CACNG3: variants seen among roughly 807,000 people sequenced by gnomAD.
CACNG3 encodes the protein calcium voltage-gated channel auxiliary subunit gamma 3.
In CACNG3, 3 loss-of-function variants were observed where a neutral mutation model predicts 28.5. That is an observed-to-expected ratio of 0.11 (90% CI 0.05 to 0.27). The LOEUF (loss-of-function observed/expected upper bound fraction) is 0.27. Ranked by LOEUF, CACNG3 falls within the 10% of genes least tolerant of loss-of-function variation. The pLI, the probability that CACNG3 is intolerant of heterozygous loss-of-function variation, is 1.00. For synonymous variants in CACNG3, 174 were observed against 162.2 expected (o/e 1.07, Z -0.55); for missense variants, 236 against 414.4 (o/e 0.57, Z 3.74).
intron 2 of CACNG3, among the ~76,000 whole-genome samples, chr16:24,352,747 C>T (rs1344916635): frequency 6.6e-6 from 1 of 152,140 alleles, no homozygotes; most frequent in Admixed American, 6.6e-5. Context: ...GCCATGTTGC[C>T]CAGGCTGATC....
chr16:24,288,651 C>T (rs1445313349), intron 1 of CACNG3, among the ~76,000 whole-genome samples: 1 of 152,166 alleles, frequency 6.6e-6, no homozygotes, highest in Admixed American at 6.5e-5. Context: ...ATTCTGCATC[C>T]TGTCTCATGG....
chr16:24,299,095 A>C (rs889318496), intron 1 of CACNG3, among the ~76,000 whole-genome samples: 1 of 152,016 alleles, frequency 6.6e-6, no homozygotes, highest in African/African-American at 2.4e-5. Context: ...GTCATTATGC[A>C]CAGCCCACAC....
intron 3 of CACNG3, among the ~76,000 whole-genome samples, chr16:24,356,952 C>T (rs912926508): frequency 6.6e-6 from 1 of 151,610 alleles, no homozygotes; most frequent in African/African-American, 2.4e-5. Context: ...AGAGAACTCC[C>T]CTTTATAAAA....
intron 1 of CACNG3, among the ~76,000 whole-genome samples, chr16:24,296,659 A>G (rs1464746777): frequency 1.3e-5 from 2 of 152,192 alleles, no homozygotes; most frequent in African/African-American, 2.4e-5. Flanking sequence ...TCATTCTTTG[A>G]TATACATGAC....
intron 1 of CACNG3, among the ~76,000 whole-genome samples, chr16:24,267,852 G>T (rs535588499): frequency 6.6e-6 from 1 of 151,958 alleles, no homozygotes; most frequent in Admixed American, 6.5e-5. Flanking sequence ...TGTATTTTTA[G>T]TAGAGACAGG....
chr16:24,260,436 A>C (rs578002225), intron 1 of CACNG3, among the ~76,000 whole-genome samples: 2 of 152,300 alleles, frequency 1.3e-5, no homozygotes, highest in South Asian at 4.1e-4. Context: ...TGTAGGTACT[A>C]TTATTACCCT....
chr16:24,271,804 G>A (rs1898694975), intron 1 of CACNG3, among the ~76,000 whole-genome samples: 1 of 152,132 alleles, frequency 6.6e-6, no homozygotes, highest in Admixed American at 6.6e-5. Flanking sequence ...GAGAGTATCG[G>A]TCCTAGAACA....
chr16:24,328,147 A>G (rs567269675), intron 1 of CACNG3, among the ~76,000 whole-genome samples: 2 of 152,232 alleles, frequency 1.3e-5, no homozygotes, highest in East Asian at 1.9e-4. Flanking sequence ...CCTTTGTAAT[A>G]TGTGCCTGAA....
At chr16:24,347,345 G>GGAGAAT (rs560765438) in intron 2 of CACNG3, among the ~76,000 whole-genome samples, 219 of 151,832 alleles carry the variant, frequency 1.4e-3, no homozygotes, top group Non-Finnish European at 2.5e-3. Flanking sequence ...AGAAAGAAAA[G>GGAGAAT]GAGAATGAGA....
chr16:24,325,161 G>A (rs1358278320), intron 1 of CACNG3, among the ~76,000 whole-genome samples: 2 of 152,184 alleles, frequency 1.3e-5, no homozygotes, highest in Non-Finnish European at 1.5e-5. Context: ...TGTGTCTACT[G>A]GGGGAAGAGG....
At chr16:24,334,845 G>A (rs1412506781) in intron 1 of CACNG3, among the ~76,000 whole-genome samples, 1 of 152,162 alleles carries the variant, frequency 6.6e-6, no homozygotes, top group Non-Finnish European at 1.5e-5. Flanking sequence ...TTAGCGCTCT[G>A]TGAGAATACA....
At chr16:24,359,091 A>T (rs558713530) in intron 3 of CACNG3, among the ~76,000 whole-genome samples, 17 of 152,198 alleles carry the variant, frequency 1.1e-4, no homozygotes, top group African/African-American at 4.1e-4. Flanking sequence ...GCCCCCAGAA[A>T]GACCTTCTTT....
chr16:24,258,033 C>A (rs555261100), intron 1 of CACNG3, among the ~76,000 whole-genome samples: 2 of 152,134 alleles, frequency 1.3e-5, no homozygotes, highest in Non-Finnish European at 2.9e-5. Context: ...CTTAGGCTTC[C>A]GAGAAATCTG....
At chr16:24,284,520 C>T (rs1038059755) in intron 1 of CACNG3, among the ~76,000 whole-genome samples, 1 of 152,156 alleles carries the variant, frequency 6.6e-6, no homozygotes, top group Non-Finnish European at 1.5e-5. Flanking sequence ...ATTTTCTCAA[C>T]TTGTCTCCGA....
At position 24,286,538 on chromosome 16, in the gene CACNG3, C is replaced by T. The variant is rs147767770; in HGVS notation, c.211+29573C>T. Among the ~76,000 whole-genome samples, 657 of 152,126 alleles carry T rather than the reference C, an allele frequency of 4.3e-3. 5 individuals are homozygous for T. Among genetic ancestry groups the T allele is most frequent in the African/African-American group, 0.015 (604 of 41,500 alleles). On this transcript the variant is annotated intron_variant, in intron 1 of 3. Transcript: ENST00000005284. ...TAGCAGCCCTGAATTTCAGTCATTC[C>T]TAGTAGTGTCCTCTGTTGCCATCGC...
rs547049716 is a variant in CACNG3, at chr16:24,277,000, G to C, written c.211+20035G>C. ...TTTGGGAAATGGAAGGGTCTAGTGG[G>C]CAATCACTGAACAAACATTTATCTT... is the stretch of plus-strand genomic sequence containing the variant. On this transcript the variant is annotated intron_variant, in intron 1 of 3. Coordinates refer to ENST00000005284, the MANE Select transcript of CACNG3 (RefSeq NM_006539.4). Among the ~76,000 whole-genome samples, 16 of 152,322 alleles carry C rather than the reference G, an allele frequency of 1.1e-4. No individual in the cohort carries two copies. In the South Asian group the frequency reaches 3.3e-3, roughly 32 times the overall value.
intron 2 of CACNG3, among the ~76,000 whole-genome samples, chr16:24,354,450 G>T (rs150440001): frequency 6.6e-6 from 1 of 152,022 alleles, no homozygotes; most frequent in African/African-American, 2.4e-5. Context: ...GAGAATGGGC[G>T]TTTGAGAGCC....
Position 24,361,024 on chromosome 16 carries a change from C to A in CACNG3, c.437-328C>A, listed in dbSNP as rs542317542. Among the ~76,000 whole-genome samples the A allele has an allele frequency of 6.6e-6, 1 of 152,264 alleles. No individual in the cohort carries two copies. The highest frequency in any genetic ancestry group is 1.5e-5 in the Non-Finnish European group (1 of 68,028). On this transcript the variant is annotated intron_variant, in intron 3 of 3. Transcript: ENST00000005284. The surrounding 1 kb of genome is among the most constrained non-coding windows in gnomAD (Gnocchi z 6.8). The stretch of plus-strand genomic sequence containing the variant: ...GCGTGTATCTTGTTCATTTTACAAT[C>A]TTCATGACTTAGTGCCAAAGATTAA...
intron 1 of CACNG3, among the ~76,000 whole-genome samples, chr16:24,265,751 A>T (rs1227128756): frequency 1.3e-5 from 2 of 152,226 alleles, no homozygotes; most frequent in East Asian, 3.8e-4. Flanking sequence ...AGGATCCATA[A>T]TCCTAAATGT....
Sources: allele counts gnomAD v4.1 joint callset (sites outside exome capture counted in the v4.1 genomes callset), GRCh38; gene constraint gnomAD v4.1.1; non-coding constraint Gnocchi (gnomAD v3.1); transcripts MANE v1.5; gene names NCBI Gene and HGNC (gene_info 2026-07-23, HGNC 2026-07-21).